The following SPEG variants were observed in gnomAD, a reference collection of about 807,000 sequenced individuals.
The protein encoded by SPEG is striated muscle enriched protein kinase.
A neutral mutation model predicts 300.4 loss-of-function variants in SPEG; 114 were observed. The observed-to-expected ratio is 0.38, with a 90% CI of 0.33 to 0.44. The LOEUF (loss-of-function observed/expected upper bound fraction) is 0.44. Ranked by LOEUF, SPEG falls within the 20% of genes least tolerant of loss-of-function variation. The pLI is 1.00. For synonymous variants in SPEG, 1,964 were observed against 2,018.9 expected, an observed-to-expected ratio of 0.97 and a Z score of 0.73; for missense variants, 4,201 against 4,586.2, an observed-to-expected ratio of 0.92 and a Z score of 2.43.
intron 40 of SPEG, 103 bp from the exon 41 acceptor site, chr2:219,492,491 A>AG: frequency 7.8e-7 from 1 of 1,288,622 alleles, no homozygotes; most frequent in Non-Finnish European, 1.1e-6. Context: ...TCACACATGT[A>AG]GGGGTGGGAT....
chr2:219,480,131 C>T lies in SPEG; in HGVS notation c.5333C>T (p.Thr1778Ile). ...IVNQSPVSGV[T>I]DIWPVGVVAF... is the part of the protein sequence containing the mutation. ...AATCAGAGCCCCGTGTCTGGAGTCA[C>T]TGACATCTGGTAAGGCTGGCATGCT... is the stretch of plus-strand genomic sequence containing the variant. Residue 1778 changes from threonine (T) to isoleucine (I), a missense_variant, in exon 25 of 41, where the codon ACT becomes ATT. Thr to Ile is a moderately conservative substitution (Grantham distance 89, BLOSUM62 -1). Around this residue, in one of 4 missense-constraint regions of SPEG, gnomAD observed 1,047 missense variants for 1,356.8 expected, o/e 0.77. Transcript: ENST00000312358. The surrounding 1 kb of genome is among the most constrained non-coding windows in gnomAD (Gnocchi z 5.3). 6.2e-7 allele frequency: 1 copy of T among 1,613,832 alleles called. No homozygotes were observed. The highest frequency in any genetic ancestry group is 8.5e-7 in the Non-Finnish European group (1 of 1,180,002).
chr2:219,442,184 C>G, intron 1 of SPEG: 4 of 770,116 alleles, frequency 5.2e-6, no homozygotes, highest in Non-Finnish European at 6.8e-6. Flanking sequence ...GGAGGGGGCG[C>G]TGGATCGGCG....
At position 219,477,655 on chromosome 2, in the gene SPEG, C is replaced by A; in HGVS notation, c.4730-34C>A. The A allele has an allele frequency of 6.6e-7, 1 of 1,518,938 alleles. No homozygotes were observed. Among genetic ancestry groups the A allele is most frequent in the Non-Finnish European group, 8.9e-7 (1 of 1,124,714 alleles). The allele number at this position is 1,518,938 out of a possible 1,614,324, so 94.1% of individuals were successfully genotyped here. The stretch of plus-strand genomic sequence containing the variant: ...GTCTCTGGCCTGCTTGCTTTCTTCC[C>A]CTCCCACCTAACACCATGACATCTC... On this transcript the variant is annotated intron_variant, in intron 20 of 40. Coordinates refer to ENST00000312358, the MANE Select transcript of SPEG (RefSeq NM_005876.5). This position sits in a 1 kb window ranked among gnomAD's most constrained non-coding sequence, Gnocchi z 6.4.
intron 31 of SPEG, among the ~76,000 whole-genome samples, chr2:219,486,206 G>C (rs905936773): frequency 6.6e-6 from 1 of 152,248 alleles, no homozygotes; most frequent in South Asian, 2.1e-4. Context: ...AGATAGGGAG[G>C]CATTCCCCAT....
In SPEG at chr2:219,484,976, G is replaced by C. The variant is rs1385795514; in HGVS notation, c.7513G>C (p.Gly2505Arg). Reference protein sequence around the residue: ...TSEGESLRRLGLPHNQLAAQA... With the variant: ...TSEGESLRRLRLPHNQLAAQA... The stretch of plus-strand genomic sequence containing the variant: ...CGAGGGCGAGAGTCTGCGGCGCCTT[G>C]GCCTTCCGCACAACCAGTTGGCCGC... Residue 2505 changes from glycine (G) to arginine (R), a missense_variant, in exon 30 of 41, where the codon GGC becomes CGC. By Grantham distance (125) the Gly-to-Arg change is moderately radical. This residue lies in a region of SPEG where 1,578 missense variants were observed against 1,506.0 expected (regional missense o/e 1.05). Coordinates refer to ENST00000312358, the MANE Select transcript of SPEG (RefSeq NM_005876.5). 6.5e-7 allele frequency: 1 copy of C among 1,530,372 alleles called. No individual in the cohort carries two copies. The highest frequency in any genetic ancestry group is 2.5e-5 in the East Asian group (1 of 40,668). 94.8% of individuals were successfully genotyped at this position (1,530,372 alleles called of 1,614,324 possible). A position where few individuals can be genotyped will look rare whatever the true frequency, so the allele number is the denominator to read the frequency against.
chr2:219,474,099 C>T, intron 18 of SPEG, 196 bp downstream of exon 18: 1 of 602,280 alleles, frequency 1.7e-6, no homozygotes, highest in Non-Finnish European at 2.8e-6. Context: ...ATTTATTGGC[C>T]AGACGCGGTG....
intron 38 of SPEG, 55 bp downstream of exon 38, chr2:219,491,011 C>T (rs1693923697): frequency 1.4e-6 from 2 of 1,418,326 alleles, no homozygotes; most frequent in African/African-American, 1.4e-5. Context: ...AGAGAGGCAG[C>T]AGCCAGGGCT....
In SPEG at chr2:219,479,827, G is replaced by A. The variant is rs1368721615; in HGVS notation, c.5130G>A (p.Leu1710=). The change falls in exon 24 of 41, where the codon CTG becomes CTA. Residue 1710 remains leucine (L), a synonymous_variant. Transcript: ENST00000312358. This position sits in a 1 kb window ranked among gnomAD's most constrained non-coding sequence, Gnocchi z 5.5. ...MRQVLEGIHY[L]HQSHVLHLDV... ...AGGTGCTAGAGGGAATACACTACCTGCACCAGAGCCACGTGCTGCACCTCG... is the reference window on the plus strand; with the variant it reads ...AGGTGCTAGAGGGAATACACTACCTACACCAGAGCCACGTGCTGCACCTCG... 2 of 1,613,994 alleles carry A rather than the reference G, an allele frequency of 1.2e-6. No homozygotes were observed. The highest frequency in any genetic ancestry group is 4.5e-5 in the East Asian group (2 of 44,900).
At chr2:219,467,941 A>G (rs2125460063) in intron 10 of SPEG, among the ~76,000 whole-genome samples, 1 of 152,240 alleles carries the variant, frequency 6.6e-6, no homozygotes, top group East Asian at 1.9e-4. Context: ...AATGCCAGCC[A>G]TTGTTACCAC....
Position 219,458,721 on chromosome 2 carries a change from C to T in SPEG, c.2441-3161C>T, listed in dbSNP as rs1690392953. 1.3e-5 allele frequency among the ~76,000 whole-genome samples: 2 copies of T among 152,162 alleles called. No homozygotes were observed. Among genetic ancestry groups the T allele is most frequent in the African/African-American group, 2.4e-5 (1 of 41,428 alleles). The stretch of plus-strand genomic sequence containing the variant: ...TACCACCTCTTAGGGCTGTCCTCCT[C>T]CCATAAAGATCAGCAGTGGTCCCTA... On this transcript the variant is annotated intron_variant, in intron 6 of 40. Coordinates refer to ENST00000312358, the MANE Select transcript of SPEG (RefSeq NM_005876.5). The surrounding 1 kb of genome is among the most constrained non-coding windows in gnomAD (Gnocchi z 4.2).
At position 219,467,453 on chromosome 2, in the gene SPEG, A is replaced by G. The variant is rs1262078346; in HGVS notation, c.3142+19A>G. 4 of 1,586,174 alleles carry G rather than the reference A, an allele frequency of 2.5e-6. No individual in the cohort carries two copies. The highest frequency in any genetic ancestry group is 3.4e-6 in the Non-Finnish European group (4 of 1,163,108). ...GCCAAAGGTAACTCCCCACTCAGGC[A>G]TTGGGCTGCCGTGGGTGCCCAAGAG... On this transcript the variant is annotated intron_variant, in intron 10 of 40. Coordinates refer to ENST00000312358, the MANE Select transcript of SPEG (RefSeq NM_005876.5).
chr2:219,473,364 A>G lies in SPEG; in HGVS notation c.4148-140A>G. On this transcript the variant is annotated intron_variant, in intron 16 of 40. Transcript: ENST00000312358. The surrounding 1 kb of genome is among the most constrained non-coding windows in gnomAD (Gnocchi z 4.6). ...GCTCTCTGGCTGTGTTCCCCTGACA[A>G]ATCGCTAAACCTCTCTGAGCTTCAG... is the stretch of plus-strand genomic sequence containing the variant. 1 of 921,910 alleles carries G rather than the reference A, an allele frequency of 1.1e-6. No individual in the cohort carries two copies. The highest frequency in any genetic ancestry group is 1.7e-6 in the Non-Finnish European group (1 of 605,136). The allele number at this position is 921,910 out of a possible 1,614,324, so 57.1% of individuals were successfully genotyped here. A position where few individuals can be genotyped will look rare whatever the true frequency, so the allele number is the denominator to read the frequency against.
chr2:219,486,537 G>T (rs1316996223), intron 31 of SPEG, among the ~76,000 whole-genome samples: 3 of 152,170 alleles, frequency 2.0e-5, no homozygotes, highest in African/African-American at 7.2e-5. Flanking sequence ...GGAGAGTGAG[G>T]GGGAAAGAAA....
Position 219,491,787 on chromosome 2 carries a change from C to G in SPEG, c.9386-7C>G. On this transcript the variant is annotated splice_polypyrimidine_tract_variant and splice_region_variant and intron_variant, in intron 38 of 40. Coordinates refer to ENST00000312358, the MANE Select transcript of SPEG (RefSeq NM_005876.5). ...GCTGGGTCAGCTTGGCCTCTGTCTC[C>G]TGTCAGCTCCGGAGATGGTGAAGGG... The G allele has an allele frequency of 1.9e-6, 3 of 1,612,798 alleles. No homozygotes were observed. In the South Asian group the frequency reaches 3.3e-5, roughly 18 times the overall value.
intron 31 of SPEG, among the ~76,000 whole-genome samples, chr2:219,487,611 C>T (rs967303577): frequency 6.6e-6 from 1 of 152,210 alleles, no homozygotes; most frequent in Non-Finnish European, 1.5e-5. Flanking sequence ...AGAAGACCTA[C>T]GACCCTGTCC....
In SPEG at chr2:219,485,039, G is replaced by A. The variant is rs1433263930; in HGVS notation, c.7576G>A (p.Gly2526Ser). The A allele has an allele frequency of 5.9e-6, 9 of 1,532,376 alleles. No homozygotes were observed. The highest frequency in any genetic ancestry group is 7.9e-6 in the Non-Finnish European group (9 of 1,145,956). The allele number at this position is 1,532,376 out of a possible 1,614,324, so 94.9% of individuals were successfully genotyped here. A position where few individuals can be genotyped will look rare whatever the true frequency, so the allele number is the denominator to read the frequency against. ...CACCACGCCTTCCGCCGAGTCCCTG[G>A]GCTCCGAGGCCAGCGCCACGTCGGG... ...GATTPSAESLGSEASATSGSS... is the reference protein window; with the variant it reads ...GATTPSAESLSSEASATSGSS... Residue 2526 changes from glycine (G) to serine (S), a missense_variant, in exon 30 of 41, where the codon GGC (glycine) becomes AGC (serine). Physicochemically the swap from Gly to Ser is moderately conservative, Grantham distance 56. Coordinates refer to ENST00000312358, the MANE Select transcript of SPEG (RefSeq NM_005876.5).
intron 31 of SPEG, among the ~76,000 whole-genome samples, chr2:219,486,738 G>A (rs1272157367): frequency 6.6e-6 from 1 of 152,172 alleles, no homozygotes; most frequent in Non-Finnish European, 1.5e-5. Flanking sequence ...ACCTAGGAAT[G>A]GGGGTGGGGC....
rs1398755684 is a variant in SPEG, at chr2:219,484,177, A to G, written c.6714A>G (p.Leu2238=). ...PAPPPQALQT[L]ALPLTPYAQI... ...CACCCCCCCAGGCCCTGCAAACCCT[A>G]GCGCTGCCCCTCACACCCTATGCTC... Residue 2238 remains leucine (L), a synonymous_variant, in exon 30 of 41, where the codon CTA becomes CTG. Transcript: ENST00000312358. 6.2e-7 allele frequency: 1 copy of G among 1,611,518 alleles called. No individual in the cohort carries two copies. Among genetic ancestry groups the G allele is most frequent in the African/African-American group, 1.3e-5 (1 of 74,182 alleles).
Position 219,448,964 on chromosome 2 carries a change from A to C in SPEG, c.1806A>C (p.Arg602Ser). ...RRDQFPLTRS[R>S]AIQECRSPVP... ...ACCAATTCCCGCTGACCCGGAGCAG[A>C]GCCATCCAGGAGTGCAGGAGCCCTG... The change falls in exon 4 of 41, where the codon AGA (arginine) becomes AGC (serine). Residue 602 changes from arginine (R) to serine (S), a missense_variant. Physicochemically the swap from Arg to Ser is moderately radical, Grantham distance 110 (BLOSUM62 -1). Transcript: ENST00000312358. The C allele has an allele frequency of 6.6e-7, 1 of 1,511,638 alleles. No homozygotes were observed. Among genetic ancestry groups the C allele is most frequent in the Non-Finnish European group, 8.8e-7 (1 of 1,133,472 alleles). 93.6% of individuals were successfully genotyped at this position (1,511,638 alleles called of 1,614,324 possible). A position where few individuals can be genotyped will look rare whatever the true frequency, so the allele number is the denominator to read the frequency against.
Sources: allele counts gnomAD v4.1 joint callset (sites outside exome capture counted in the v4.1 genomes callset), GRCh38; gene constraint gnomAD v4.1.1; regional missense constraint gnomAD v4.1.1; non-coding constraint Gnocchi (gnomAD v3.1); transcripts MANE v1.5; gene names NCBI Gene and HGNC (gene_info 2026-07-23, HGNC 2026-07-21).